The following KHDRBS2 variants were observed in gnomAD, a reference collection of about 807,000 sequenced individuals.
KHDRBS2 encodes KH domain-containing, RNA-binding, signal transduction-associated protein 2.
In KHDRBS2, 26 loss-of-function variants were observed where a neutral mutation model predicts 44.3. The observed-to-expected ratio is 0.59, with a 90% CI of 0.43 to 0.81. KHDRBS2 has a LOEUF of 0.81. Among genes scored for constraint, KHDRBS2 ranks in the 40% least tolerant of loss-of-function variants. KHDRBS2 has a pLI of 0.00. For missense variants in KHDRBS2, 476 were observed against 433.1 expected (o/e 1.10, Z -0.88); for synonymous variants, 194 against 151.1 (o/e 1.28, Z -2.08).
intron 1 of KHDRBS2, among the ~76,000 whole-genome samples, chr6:62,240,670 G>GTATATA (rs1293352466): frequency 4.6e-4 from 29 of 62,528 alleles, no homozygotes; most frequent in African/African-American, 1.4e-3. Context: ...GTATGTGTGT[G>GTATATA]TGTATATATA....
At chr6:61,695,628 C>T (rs1767819934) in intron 8 of KHDRBS2, among the ~76,000 whole-genome samples, 1 of 152,086 alleles carries the variant, frequency 6.6e-6, no homozygotes, top group South Asian at 2.1e-4. Context: ...ACATTGACTT[C>T]ACCTTTGTTG....
intron 2 of KHDRBS2, among the ~76,000 whole-genome samples, chr6:62,084,688 T>C (rs1798080574): frequency 6.6e-6 from 1 of 152,192 alleles, no homozygotes; most frequent in Non-Finnish European, 1.5e-5. Flanking sequence ...TAATGTTGTA[T>C]CATTAAAAAT....
At chr6:61,997,924 G>A (rs888752173) in intron 3 of KHDRBS2, among the ~76,000 whole-genome samples, 1 of 152,140 alleles carries the variant, frequency 6.6e-6, no homozygotes, top group Non-Finnish European at 1.5e-5. Context: ...TCCAAAATAT[G>A]ACTAAGAAAA....
At chr6:61,799,437 TA>T (rs1159786283) in intron 6 of KHDRBS2, among the ~76,000 whole-genome samples, 1 of 152,020 alleles carries the variant, frequency 6.6e-6, no homozygotes, top group African/African-American at 2.4e-5. Context: ...TGAAATAAAA[TA>T]ATCAGGAAAT....
At chr6:61,975,988 A>T (rs1772562378) in intron 4 of KHDRBS2, among the ~76,000 whole-genome samples, 1 of 152,170 alleles carries the variant, frequency 6.6e-6, no homozygotes, top group African/African-American at 2.4e-5. Flanking sequence ...CTGTTGAATG[A>T]ACAAAAACCA....
chr6:61,748,802 T>C (rs1437878772), intron 6 of KHDRBS2, among the ~76,000 whole-genome samples: 1 of 152,068 alleles, frequency 6.6e-6, no homozygotes, highest in Non-Finnish European at 1.5e-5. Flanking sequence ...GGAGACTTCA[T>C]ATATGCTAGT....
chr6:62,153,485 A>G (rs1173144083), intron 2 of KHDRBS2, among the ~76,000 whole-genome samples: 1 of 110,070 alleles, frequency 9.1e-6, no homozygotes, highest in East Asian at 2.7e-4. Flanking sequence ...AAAACGTTTC[A>G]GCCTTTATAT....
At chr6:61,750,768 A>AG (rs1445670767) in intron 6 of KHDRBS2, among the ~76,000 whole-genome samples, 1 of 151,820 alleles carries the variant, frequency 6.6e-6, no homozygotes, top group East Asian at 1.9e-4. Context: ...AGTAAAAAAA[A>AG]AAAAAAAAAC....
At chr6:62,221,579 A>AT (rs112776634) in intron 1 of KHDRBS2, among the ~76,000 whole-genome samples, 1 of 151,868 alleles carries the variant, frequency 6.6e-6, no homozygotes, top group African/African-American at 2.4e-5. Flanking sequence ...GCAAAAAAAA[A>AT]TTTAAAAAGA....
intron 6 of KHDRBS2, among the ~76,000 whole-genome samples, chr6:61,801,214 A>G (rs1786200651): frequency 6.6e-6 from 1 of 152,114 alleles, no homozygotes; most frequent in African/African-American, 2.4e-5. Flanking sequence ...TTTTTATTTA[A>G]CAAATAATTC....
intron 7 of KHDRBS2, among the ~76,000 whole-genome samples, chr6:61,697,964 A>G (rs1561983356): frequency 6.6e-6 from 1 of 152,132 alleles, no homozygotes; most frequent in Non-Finnish European, 1.5e-5. Flanking sequence ...CCTCATCCAC[A>G]TAATTCCTTC....
intron 6 of KHDRBS2, among the ~76,000 whole-genome samples, chr6:61,818,035 A>G (rs956296440): frequency 2.0e-5 from 3 of 151,994 alleles, no homozygotes; most frequent in Admixed American, 2.0e-4. Flanking sequence ...TAAAACCCAG[A>G]GGCTTGAATC....
chr6:62,038,219 T>C (rs988130141), intron 3 of KHDRBS2, among the ~76,000 whole-genome samples: 3 of 152,056 alleles, frequency 2.0e-5, no homozygotes, highest in African/African-American at 7.2e-5. Context: ...CATTTCATTT[T>C]CCTCAGTGTT....
intron 7 of KHDRBS2, among the ~76,000 whole-genome samples, chr6:61,731,773 A>G (rs1007231741): frequency 9.9e-5 from 15 of 152,056 alleles, no homozygotes; most frequent in Non-Finnish European, 1.9e-4. Context: ...TTCCTGTGAA[A>G]TTTGTAACAC....
At chr6:62,152,488 A>G (rs9360326) in intron 2 of KHDRBS2, among the ~76,000 whole-genome samples, 45,056 of 152,094 alleles carry the variant, frequency 0.3, 8,134 homozygotes, top group Middle Eastern at 0.44. Flanking sequence ...GTTTTAGAGA[A>G]GGCATTGTTT....
intron 2 of KHDRBS2, among the ~76,000 whole-genome samples, chr6:62,086,890 A>G (rs1798491597): frequency 6.6e-6 from 1 of 151,938 alleles, no homozygotes; most frequent in African/African-American, 2.4e-5. Flanking sequence ...CATCATACTG[A>G]GCAAAAATTA....
intron 7 of KHDRBS2, among the ~76,000 whole-genome samples, chr6:61,726,099 C>T (rs772566561): frequency 6.6e-6 from 1 of 152,126 alleles, no homozygotes; most frequent in Non-Finnish European, 1.5e-5. Context: ...ACTTATTTAA[C>T]ATGATCCAGT....
In KHDRBS2 at chr6:61,751,752, T is replaced by C. The variant is rs560378473; in HGVS notation, c.811-18988A>G. On this transcript the variant is annotated intron_variant, in intron 6 of 8. Transcript: ENST00000281156. ...ATTTCCTAGAGCTGCCATCAGAAAATACCACAAACTGGGTGTTTTAAACAA... is the reference window on the plus strand; with the variant it reads ...ATTTCCTAGAGCTGCCATCAGAAAACACCACAAACTGGGTGTTTTAAACAA... 8.5e-5 allele frequency among the ~76,000 whole-genome samples: 13 copies of C among 152,256 alleles called. No homozygotes were observed. In the South Asian group the frequency reaches 2.7e-3, roughly 32 times the overall value.
chr6:62,148,927 G>A (rs117620359), intron 2 of KHDRBS2, among the ~76,000 whole-genome samples: 1 of 152,150 alleles, frequency 6.6e-6, no homozygotes, highest in East Asian at 1.9e-4. Context: ...ACGTGTGAAT[G>A]GCTAATCAAA....
Sources: allele counts gnomAD v4.1 joint callset (sites outside exome capture counted in the v4.1 genomes callset), GRCh38; gene constraint gnomAD v4.1.1; transcripts MANE v1.5; gene names NCBI Gene and HGNC (gene_info 2026-07-23, HGNC 2026-07-21).